The following CNTNAP4 variants were observed in gnomAD, a reference collection of about 807,000 sequenced individuals.
CNTNAP4 encodes the protein contactin-associated protein-like 4.
Under a neutral mutation model 148.4 loss-of-function variants are expected in CNTNAP4, and 98 were observed. That is an observed-to-expected ratio of 0.66 (90% CI 0.56 to 0.78). CNTNAP4 has a LOEUF of 0.78. CNTNAP4 is among the 30% of genes least tolerant of loss of function. The pLI, the probability that CNTNAP4 is intolerant of heterozygous loss-of-function variation, is 0.00. For missense variants in CNTNAP4, 1,935 were observed against 1,565.6 expected (o/e 1.24, Z -3.98); for synonymous variants, 730 against 565.1 (o/e 1.29, Z -4.14).
intron 3 of CNTNAP4, among the ~76,000 whole-genome samples, chr16:76,378,074 A>C (rs141750765): frequency 1.3e-5 from 2 of 152,178 alleles, no homozygotes; most frequent in African/African-American, 4.8e-5. Flanking sequence ...ATCACTCTCA[A>C]TTCTCATTTT....
rs530803001 is a variant in CNTNAP4 at position 76,333,071 on chromosome 16, A to G, written c.196+16548A>G. 1.6e-4 allele frequency among the ~76,000 whole-genome samples: 25 copies of G among 152,352 alleles called. No individual in the cohort carries two copies. In the South Asian group the frequency reaches 3.3e-3, roughly 20 times the overall value. On this transcript the variant is annotated intron_variant, in intron 2 of 23. Coordinates refer to ENST00000611870, the MANE Select transcript of CNTNAP4 (RefSeq NM_033401.5). ...TTTCTTTCATAAAGGAAGTTAAACTATTCTTGTAAGGATAAGGTTTGTTTT... is the reference window on the plus strand; with the variant it reads ...TTTCTTTCATAAAGGAAGTTAAACTGTTCTTGTAAGGATAAGGTTTGTTTT...
chr16:76,352,600 A>G (rs2011966568), intron 2 of CNTNAP4, among the ~76,000 whole-genome samples: 1 of 152,182 alleles, frequency 6.6e-6, no homozygotes, highest in Non-Finnish European at 1.5e-5. Context: ...TACTATGTAG[A>G]CTGCACTGAG....
intron 3 of CNTNAP4, among the ~76,000 whole-genome samples, chr16:76,373,325 A>G (rs1030910763): frequency 6.6e-6 from 1 of 152,102 alleles, no homozygotes; most frequent in African/African-American, 2.4e-5. Context: ...TGTGGAGTAT[A>G]TTTCACAAAA....
chr16:76,317,872 G>C (rs1243610834), intron 2 of CNTNAP4, among the ~76,000 whole-genome samples: 2 of 152,110 alleles, frequency 1.3e-5, no homozygotes, highest in East Asian at 3.8e-4. Flanking sequence ...ACCTACTTTT[G>C]TGTGCTTCTG....
At position 76,522,154 on chromosome 16, in the gene CNTNAP4, C is replaced by G; in HGVS notation, c.2652C>G (p.Asn884Lys). 1.9e-6 allele frequency: 3 copies of G among 1,613,972 alleles called. No homozygotes were observed. The highest frequency in any genetic ancestry group is 1.3e-5 in the African/African-American group (1 of 75,046). The change falls in exon 17 of 24, where the codon AAC becomes AAG. Residue 884 changes from asparagine to lysine, a missense_variant. By Grantham distance (94) the Asn-to-Lys change is moderately conservative. Transcript: ENST00000611870. ...NQWHHVRVERNMKEASLQVDQ... is the reference protein window; with the variant it reads ...NQWHHVRVERKMKEASLQVDQ... ...GGCACCATGTGAGGGTTGAAAGGAA[C>G]ATGAAGGAGGCCTCCCTTCAAGTGG...
At chr16:76,505,830 C>G (rs909417254) in intron 15 of CNTNAP4, among the ~76,000 whole-genome samples, 1 of 96,164 alleles carries the variant, frequency 1.0e-5, no homozygotes, top group African/African-American at 2.6e-5. Flanking sequence ...AGACTGGGAG[C>G]TCGAGGCTGC....
chr16:76,487,899 G>A (rs1456501959), intron 12 of CNTNAP4, among the ~76,000 whole-genome samples: 1 of 152,134 alleles, frequency 6.6e-6, no homozygotes, highest in Admixed American at 6.5e-5. Flanking sequence ...CCCAGTGGAT[G>A]CTAAACTACA....
At chr16:76,460,769 A>T (rs1423083885) in intron 8 of CNTNAP4, among the ~76,000 whole-genome samples, 12 of 35,116 alleles carry the variant, frequency 3.4e-4, no homozygotes, top group Admixed American at 1.6e-3. Flanking sequence ...AAAAAAAAAA[A>T]AAAAATATAT....
intron 4 of CNTNAP4, among the ~76,000 whole-genome samples, chr16:76,433,055 C>G (rs2079667688): frequency 6.6e-6 from 1 of 152,128 alleles, no homozygotes; most frequent in Admixed American, 6.6e-5. Context: ...ACATTCAAAT[C>G]TGGGAATGTT....
At chr16:76,363,585 A>G (rs1401454443) in intron 3 of CNTNAP4, among the ~76,000 whole-genome samples, 1 of 152,200 alleles carries the variant, frequency 6.6e-6, no homozygotes, top group African/African-American at 2.4e-5. Flanking sequence ...TGGTCTTGGT[A>G]ATGCATAAAT....
chr16:76,458,870 A>G (rs1053473871), intron 8 of CNTNAP4, among the ~76,000 whole-genome samples: 4 of 152,190 alleles, frequency 2.6e-5, no homozygotes, highest in African/African-American at 9.7e-5. Context: ...TAGTAATTCT[A>G]CTTTTAGTTC....
chr16:76,344,572 A>C (rs558426622), intron 2 of CNTNAP4, among the ~76,000 whole-genome samples: 72 of 152,354 alleles, frequency 4.7e-4, no homozygotes, highest in African/African-American at 1.7e-3. Flanking sequence ...TTCTTAGGCC[A>C]GTTCTAAACC....
chr16:76,503,705 T>C (rs917301434), intron 15 of CNTNAP4, among the ~76,000 whole-genome samples: 17 of 126,914 alleles, frequency 1.3e-4, no homozygotes, highest in Admixed American at 8.9e-4. Flanking sequence ...CAGGCCCCGG[T>C]GTGTGATGTT....
At chr16:76,524,040 T>C (rs2083604407) in intron 17 of CNTNAP4, among the ~76,000 whole-genome samples, 1 of 152,240 alleles carries the variant, frequency 6.6e-6, no homozygotes, top group Admixed American at 6.5e-5. Flanking sequence ...CTGATCTTAT[T>C]AACCCTCTCT....
intron 3 of CNTNAP4, among the ~76,000 whole-genome samples, chr16:76,371,024 C>A (rs990229998): frequency 6.6e-6 from 1 of 152,088 alleles, no homozygotes; most frequent in Non-Finnish European, 1.5e-5. Context: ...AAATGCTGAA[C>A]CATTGGTTTA....
intron 23 of CNTNAP4, among the ~76,000 whole-genome samples, chr16:76,556,747 A>T (rs551722362): frequency 2.6e-4 from 40 of 152,344 alleles, no homozygotes; most frequent in African/African-American, 7.9e-4. Context: ...AATATGACTA[A>T]TAACAAAAGC....
At chr16:76,362,436 G>A (rs955517075) in intron 3 of CNTNAP4, among the ~76,000 whole-genome samples, 1 of 152,064 alleles carries the variant, frequency 6.6e-6, no homozygotes, top group Admixed American at 6.6e-5. Context: ...AATTTAGGTA[G>A]AACCACAAAC....
At chr16:76,412,973 T>C (rs2078850172) in intron 3 of CNTNAP4, among the ~76,000 whole-genome samples, 1 of 151,572 alleles carries the variant, frequency 6.6e-6, no homozygotes, top group Admixed American at 6.6e-5. Context: ...TAGTGATCAA[T>C]CCTTCTTTAA....
chr16:76,441,033 G>A lies in CNTNAP4; in HGVS notation c.539-6979G>A, dbSNP rs371617867. 4.6e-5 allele frequency among the ~76,000 whole-genome samples: 7 copies of A among 152,140 alleles called. 1 individual carries two copies. The highest frequency in any genetic ancestry group is 3.9e-4 in the East Asian group (2 of 5,162). On this transcript the variant is annotated intron_variant, in intron 4 of 23. Transcript: ENST00000611870. ...AGTTTGCTGCTCAAGAAGGTAAAGC[G>A]TTTTTACAATTTAGTTGAGACCCTT... is the stretch of plus-strand genomic sequence containing the variant.
Sources: allele counts gnomAD v4.1 joint callset (sites outside exome capture counted in the v4.1 genomes callset), GRCh38; gene constraint gnomAD v4.1.1; transcripts MANE v1.5; gene names NCBI Gene and HGNC (gene_info 2026-07-23, HGNC 2026-07-21).